ESRRG: variants seen among roughly 807,000 people sequenced by gnomAD.
ESRRG encodes the protein estrogen-related receptor gamma.
ESRRG carries 13 observed loss-of-function variants against 44.0 expected under a neutral mutation model. That is an observed-to-expected ratio of 0.30 (90% CI 0.19 to 0.47). The LOEUF (loss-of-function observed/expected upper bound fraction) is 0.47, where lower values mean the gene tolerates loss of function less well. ESRRG is among the 20% of genes least tolerant of loss of function. The pLI, the probability that ESRRG is intolerant of heterozygous loss-of-function variation, is 1.00. For synonymous variants in ESRRG, 215 were observed against 214.6 expected, an observed-to-expected ratio of 1.00 and a Z score of -0.02; for missense variants, 395 against 580.6, an observed-to-expected ratio of 0.68 and a Z score of 3.29.
intron 1 of ESRRG, among the ~76,000 whole-genome samples, chr1:217,003,389 G>T (rs1182607688): frequency 6.6e-6 from 1 of 151,738 alleles, no homozygotes; most frequent in South Asian, 2.1e-4. Flanking sequence ...GAGATAATAT[G>T]AAAAAATAAT....
intron 2 of ESRRG, among the ~76,000 whole-genome samples, chr1:216,892,315 C>T (rs1043756447): frequency 6.6e-6 from 1 of 152,080 alleles, no homozygotes; most frequent in Admixed American, 6.6e-5. Flanking sequence ...GAGACCCTCT[C>T]CCTAGAGATC....
In ESRRG at chr1:216,860,250, C is replaced by T. The variant is rs537631696; in HGVS notation, c.-14+79332G>A. Among the ~76,000 whole-genome samples the T allele has an allele frequency of 4.6e-5, 7 of 151,952 alleles. 1 individual carries two copies. The South Asian group carries it at 1.0e-3, about 23-fold the overall frequency. The stretch of plus-strand genomic sequence containing the variant: ...CTGTGCTCCAGCCTGAGTGACAGAG[C>T]GAGACTCTGTCAAAACTAAATAAAT... On this transcript the variant is annotated intron_variant, in intron 2 of 7. Transcript: ENST00000359162.
At chr1:216,965,012 T>A (rs1289696262) in intron 1 of ESRRG, among the ~76,000 whole-genome samples, 2 of 152,204 alleles carry the variant, frequency 1.3e-5, no homozygotes, top group Non-Finnish European at 2.9e-5. Flanking sequence ...TTACATTTTT[T>A]AAAAGAAATT....
chr1:216,516,514 T>C (rs1334815559), intron 6 of ESRRG, among the ~76,000 whole-genome samples: 1 of 151,792 alleles, frequency 6.6e-6, no homozygotes, highest in Non-Finnish European at 1.5e-5. Flanking sequence ...GAGTCAATGG[T>C]TTTTAATACC....
chr1:216,645,504 G>A (rs957730201), intron 3 of ESRRG, among the ~76,000 whole-genome samples: 15 of 152,088 alleles, frequency 9.9e-5, no homozygotes, highest in Non-Finnish European at 1.9e-4. Flanking sequence ...TACAGGAATG[G>A]AGACTCTTAG....
intron 1 of ESRRG, among the ~76,000 whole-genome samples, chr1:216,688,748 T>C (rs903886091): frequency 6.6e-6 from 1 of 151,818 alleles, no homozygotes; most frequent in African/African-American, 2.4e-5. Context: ...AAAGCAGAGG[T>C]TGTCATAAAA....
chr1:216,536,482 A>T (rs2149203175), intron 5 of ESRRG, among the ~76,000 whole-genome samples: 1 of 152,202 alleles, frequency 6.6e-6, no homozygotes, highest in Admixed American at 6.6e-5. Context: ...TGTCTAGCTC[A>T]GTTCCTCATT....
At position 216,503,843 on chromosome 1, in the gene ESRRG, A is replaced by G. The variant is rs1017237356; in HGVS notation, c.*3096T>C. 4 of 152,610 alleles carry G rather than the reference A, an allele frequency of 2.6e-5. No individual in the cohort carries two copies. The highest frequency in any genetic ancestry group is 9.6e-5 in the African/African-American group (4 of 41,460). 9.5% of individuals were successfully genotyped at this position (152,610 alleles called of 1,614,324 possible). ...TGCTTTAAATAAGAACGAACCTAAA[A>G]GAAGCAAAATTAAAATTAAAATCAT... On this transcript the variant is annotated 3_prime_UTR_variant, in exon 7 of 7. Transcript: ENST00000408911.
intron 1 of ESRRG, among the ~76,000 whole-genome samples, chr1:216,967,314 A>G (rs2070646278): frequency 1.3e-5 from 2 of 152,170 alleles, no homozygotes; most frequent in Non-Finnish European, 2.9e-5. Flanking sequence ...GATAAATGTA[A>G]TGACATGTAC....
chr1:216,738,794 T>C (rs1217670526), intron 2 of ESRRG, among the ~76,000 whole-genome samples: 1 of 152,158 alleles, frequency 6.6e-6, no homozygotes, highest in East Asian at 1.9e-4. Flanking sequence ...GTTTCACTTC[T>C]CTCTGCCTAG....
intron 2 of ESRRG, among the ~76,000 whole-genome samples, chr1:216,666,874 C>T (rs955251014): frequency 6.6e-6 from 1 of 152,168 alleles, no homozygotes; most frequent in Non-Finnish European, 1.5e-5. Flanking sequence ...AACAGTTACT[C>T]GCTAGGAGAG....
chr1:216,721,217 T>C (rs1353275146), intron 1 of ESRRG, among the ~76,000 whole-genome samples: 1 of 152,214 alleles, frequency 6.6e-6, no homozygotes, highest in African/African-American at 2.4e-5. Context: ...CAATAAATGG[T>C]ATGAATCTTT....
chr1:217,058,486 A>G (rs1170020910), intron 1 of ESRRG, among the ~76,000 whole-genome samples: 1 of 152,166 alleles, frequency 6.6e-6, no homozygotes, highest in Non-Finnish European at 1.5e-5. Context: ...TATTAAGTAT[A>G]TAGTTACTTG....
chr1:216,817,358 A>G (rs2095171204), intron 2 of ESRRG, among the ~76,000 whole-genome samples: 1 of 152,248 alleles, frequency 6.6e-6, no homozygotes, highest in South Asian at 2.1e-4. Flanking sequence ...AATTAGGAAC[A>G]CATTGTCATC....
At chr1:216,543,309 G>A (rs967259032) in intron 5 of ESRRG, among the ~76,000 whole-genome samples, 1 of 151,916 alleles carries the variant, frequency 6.6e-6, no homozygotes, top group African/African-American at 2.4e-5. Context: ...ATTTTTTGAA[G>A]TTTTCTATCA....
intron 3 of ESRRG, among the ~76,000 whole-genome samples, chr1:216,645,802 G>A (rs1179838165): frequency 2.0e-5 from 3 of 147,600 alleles, no homozygotes; most frequent in African/African-American, 7.5e-5. Flanking sequence ...AGCTCCAGAG[G>A]TCAAGGCTGC....
chr1:216,545,136 AG>A (rs2054097608), intron 5 of ESRRG, among the ~76,000 whole-genome samples: 1 of 150,150 alleles, frequency 6.7e-6, no homozygotes. Context: ...CTCATCCTCC[AG>A]GGTTCAAGCA....
chr1:216,991,650 A>T (rs1255372786), intron 1 of ESRRG, among the ~76,000 whole-genome samples: 28 of 116,848 alleles, frequency 2.4e-4, no homozygotes, highest in Non-Finnish European at 3.0e-4. Context: ...ATGGGATGGG[A>T]TGGGATGGGA....
At chr1:217,046,175 A>C (rs1022301684) in intron 1 of ESRRG, among the ~76,000 whole-genome samples, 1 of 152,096 alleles carries the variant, frequency 6.6e-6, no homozygotes, top group Non-Finnish European at 1.5e-5. Flanking sequence ...AAAAAAAAAA[A>C]ACCTAAAATT....
Sources: allele counts gnomAD v4.1 joint callset (sites outside exome capture counted in the v4.1 genomes callset), GRCh38; gene constraint gnomAD v4.1.1; transcripts MANE v1.5; gene names NCBI Gene and HGNC (gene_info 2026-07-23, HGNC 2026-07-21).